DGKG: variants seen among roughly 807,000 people sequenced by gnomAD.
DGKG encodes diacylglycerol kinase gamma.
DGKG carries 78 observed loss-of-function variants against 105.3 expected under a neutral mutation model. The ratio of observed to expected loss-of-function variants is 0.74; its 90% confidence interval spans 0.62 to 0.89. The LOEUF is 0.89. Ranked by LOEUF, DGKG falls within the 40% of genes least tolerant of loss-of-function variation. DGKG has a pLI of 0.00. For missense variants in DGKG, 958 were observed against 1,020.1 expected, an observed-to-expected ratio of 0.94 and a Z score of 0.83; for synonymous variants, 346 against 367.1, an observed-to-expected ratio of 0.94 and a Z score of 0.66.
chr3:186,209,290 C>G (rs902728979), intron 21 of DGKG, among the ~76,000 whole-genome samples: 2 of 151,844 alleles, frequency 1.3e-5, no homozygotes, highest in African/African-American at 2.4e-5. Flanking sequence ...TTAGTAGAAA[C>G]AGTGTTTCAC....
intron 14 of DGKG, among the ~76,000 whole-genome samples, chr3:186,262,798 T>C (rs1721836803): frequency 6.6e-6 from 1 of 152,138 alleles, no homozygotes; most frequent in Non-Finnish European, 1.5e-5. Context: ...TCCCATTCCA[T>C]GTCCCGAAAT....
chr3:186,275,976 CT>C (rs1434683876), intron 9 of DGKG, among the ~76,000 whole-genome samples: 1 of 151,700 alleles, frequency 6.6e-6, no homozygotes, highest in African/African-American at 2.4e-5. Context: ...ATCTATCTAT[CT>C]ATCTATCTAT....
intron 22 of DGKG, among the ~76,000 whole-genome samples, chr3:186,181,151 C>A (rs145004397): frequency 2.0e-5 from 3 of 152,204 alleles, no homozygotes; most frequent in African/African-American, 7.2e-5. Flanking sequence ...TAATTATATG[C>A]CTGTCTGTGG....
chr3:186,290,269 G>T (rs1218991547), intron 5 of DGKG, among the ~76,000 whole-genome samples: 2 of 152,174 alleles, frequency 1.3e-5, no homozygotes, highest in African/African-American at 4.8e-5. Context: ...ATGAGATAAA[G>T]ACAGGGATAG....
chr3:186,240,249 A>C (rs1322006069), intron 20 of DGKG, among the ~76,000 whole-genome samples: 2 of 152,022 alleles, frequency 1.3e-5, no homozygotes, highest in Admixed American at 1.3e-4. Flanking sequence ...AAAACCCTCC[A>C]TGCCACGTTT....
At chr3:186,172,416 A>G (rs900908832) in intron 22 of DGKG, among the ~76,000 whole-genome samples, 8 of 152,210 alleles carry the variant, frequency 5.3e-5, no homozygotes, top group African/African-American at 9.6e-5. Flanking sequence ...CTGACTATGT[A>G]TGGAGCCAAC....
intron 12 of DGKG, 135 bp from the exon 13 acceptor site, chr3:186,267,912 A>G: frequency 1.3e-6 from 1 of 753,384 alleles, no homozygotes; most frequent in East Asian, 2.7e-5. Flanking sequence ...CTTTGACAGT[A>G]TTGCCGTGTG....
chr3:186,358,894 C>G (rs890532732), intron 1 of DGKG, among the ~76,000 whole-genome samples: 10 of 152,126 alleles, frequency 6.6e-5, no homozygotes, highest in Admixed American at 6.6e-4. Flanking sequence ...GGACATTATA[C>G]ACATTTGTAT....
At chr3:186,250,510 A>G (rs1302222654) in intron 19 of DGKG, among the ~76,000 whole-genome samples, 4 of 151,956 alleles carry the variant, frequency 2.6e-5, no homozygotes, top group African/African-American at 9.7e-5. Flanking sequence ...AAAATTTGAT[A>G]AATATTTGTT....
intron 20 of DGKG, among the ~76,000 whole-genome samples, chr3:186,222,746 AG>A (rs1719649247): frequency 6.6e-6 from 1 of 151,578 alleles, no homozygotes; most frequent in South Asian, 2.1e-4. Flanking sequence ...TGGGAGGCTG[AG>A]GCGGGCGGAT....
At chr3:186,332,053 G>C (rs1725629830) in intron 1 of DGKG, among the ~76,000 whole-genome samples, 1 of 152,094 alleles carries the variant, frequency 6.6e-6, no homozygotes, top group African/African-American at 2.4e-5. Flanking sequence ...AATGAGTGCT[G>C]AGTACCTAAG....
chr3:186,179,206 T>C (rs1039065729), intron 22 of DGKG, among the ~76,000 whole-genome samples: 7 of 152,248 alleles, frequency 4.6e-5, no homozygotes, highest in African/African-American at 1.7e-4. Context: ...GCCTGCTGTT[T>C]GCTTTTGTAA....
chr3:186,354,314 A>G (rs1005208835), intron 1 of DGKG, among the ~76,000 whole-genome samples: 1 of 152,212 alleles, frequency 6.6e-6, no homozygotes, highest in African/African-American at 2.4e-5. Flanking sequence ...GGCCAAAAAC[A>G]TTTCAAGTAT....
chr3:186,262,972 C>CAA (rs1483840262), intron 14 of DGKG, among the ~76,000 whole-genome samples: 1 of 151,876 alleles, frequency 6.6e-6, no homozygotes, highest in Non-Finnish European at 1.5e-5. Context: ...ACTAAAAATA[C>CAA]AAAAATTAGC....
chr3:186,318,891 C>T (rs1324832653), intron 2 of DGKG, among the ~76,000 whole-genome samples: 1 of 152,200 alleles, frequency 6.6e-6, no homozygotes, highest in Admixed American at 6.5e-5. Context: ...TTTTGATCCC[C>T]TTCTCGTTTC....
At chr3:186,352,630 G>A (rs1271705143) in intron 1 of DGKG, among the ~76,000 whole-genome samples, 1 of 152,172 alleles carries the variant, frequency 6.6e-6, no homozygotes, top group African/African-American at 2.4e-5. Context: ...CTTCCCAGGT[G>A]TAGGAGCCTG....
Position 186,209,093 on chromosome 3 carries a change from C to CTTTTTTTTTT in DGKG, c.1917+2692_1917+2701dup, listed in dbSNP as rs34226259. ...TTTTCTCTCCCTTCAGTTTACTCTT[C>CTTTTTTTTTT]TTTTTTTTTTTTTTTTTTTTTTTAA... On this transcript the variant is annotated intron_variant, in intron 21 of 24. Coordinates refer to ENST00000265022, the MANE Select transcript of DGKG (RefSeq NM_001346.3). Among the ~76,000 whole-genome samples, 22 of 89,798 alleles carry CTTTTTTTTTT rather than the reference C, an allele frequency of 2.4e-4. 1 individual carries two copies. The highest frequency in any genetic ancestry group is 1.0e-3 in the African/African-American group (21 of 20,762). 58.9% of individuals were successfully genotyped at this position (89,798 alleles called of 152,430 possible).
intron 4 of DGKG, 28 bp downstream of exon 4, chr3:186,298,036 T>TA (rs1723679584): frequency 2.0e-5 from 32 of 1,587,528 alleles, no homozygotes; most frequent in Non-Finnish European, 2.7e-5. Context: ...GCGCAAGGTC[T>TA]TCCCATCTTG....
At chr3:186,360,892 C>T (rs1049287913) in intron 1 of DGKG, among the ~76,000 whole-genome samples, 3 of 152,266 alleles carry the variant, frequency 2.0e-5, no homozygotes, top group Non-Finnish European at 2.9e-5. Flanking sequence ...AAACAGCCCT[C>T]CCAGGCCCTC....
Sources: gnomAD v4.1 joint callset for allele counts (sites outside exome capture counted in the v4.1 genomes callset) on GRCh38, gnomAD v4.1.1 for gene constraint, MANE v1.5 for transcripts, NCBI Gene and HGNC (gene_info 2026-07-23, HGNC 2026-07-21) for gene names.